Variants in CNTNAP4 observed in about 807,000 individuals in gnomAD.
The protein encoded by CNTNAP4 is contactin associated protein family member 4.
CNTNAP4 carries 98 observed loss-of-function variants against 148.4 expected under a neutral mutation model. The observed-to-expected ratio is 0.66, with a 90% confidence interval of 0.56 to 0.78. The LOEUF (loss-of-function observed/expected upper bound fraction) is 0.78, where lower values mean the gene tolerates loss of function less well. CNTNAP4 is among the 30% of genes least tolerant of loss of function. CNTNAP4 has a pLI of 0.00. For missense variants in CNTNAP4, 1,935 were observed against 1,565.6 expected (o/e 1.24, Z -3.98); for synonymous variants, 730 against 565.1 (o/e 1.29, Z -4.14).
chr16:76,349,580 T>C (rs1965203644), intron 2 of CNTNAP4, among the ~76,000 whole-genome samples: 1 of 152,166 alleles, frequency 6.6e-6, no homozygotes, highest in African/African-American at 2.4e-5. Context: ...ATTATAATTT[T>C]ATGTCAAGAT....
chr16:76,535,352 C>G (rs1488442055), intron 17 of CNTNAP4, among the ~76,000 whole-genome samples, 193 bp from the exon 18 acceptor site: 6 of 151,944 alleles, frequency 3.9e-5, no homozygotes, highest in African/African-American at 1.5e-4. Context: ...GTAACATATT[C>G]AACTTTTAAA....
chr16:76,483,633 G>A (rs2081921469), intron 12 of CNTNAP4, among the ~76,000 whole-genome samples: 1 of 152,130 alleles, frequency 6.6e-6, no homozygotes, highest in African/African-American at 2.4e-5. Flanking sequence ...GGAGTAGGGG[G>A]CGTTTTAAAC....
At chr16:76,364,672 C>G (rs561369507) in intron 3 of CNTNAP4, among the ~76,000 whole-genome samples, 1 of 152,276 alleles carries the variant, frequency 6.6e-6, no homozygotes, top group South Asian at 2.1e-4. Flanking sequence ...AGTTCTGTTC[C>G]TTTGAAGTGT....
intron 13 of CNTNAP4, among the ~76,000 whole-genome samples, chr16:76,490,383 T>A (rs1032707119): frequency 4.6e-5 from 7 of 152,174 alleles, no homozygotes; most frequent in African/African-American, 1.7e-4. Context: ...CAAGGAGGAA[T>A]CAGAAAACCA....
intron 3 of CNTNAP4, among the ~76,000 whole-genome samples, chr16:76,377,150 C>CT (rs1011549952): frequency 1.2e-4 from 19 of 152,020 alleles, no homozygotes; most frequent in Non-Finnish European, 1.9e-4. Flanking sequence ...GGAAGTCAGT[C>CT]TTTTTTTTCA....
chr16:76,277,699 C>G lies in CNTNAP4; in HGVS notation c.37C>G (p.Leu13Val). 1 of 1,605,828 alleles carries G rather than the reference C, an allele frequency of 6.2e-7. No individual in the cohort carries two copies. Among genetic ancestry groups the G allele is most frequent in the South Asian group, 1.1e-5 (1 of 89,122 alleles). ...SVTGAVLKTL[L>V]LLSTQNWNRV... ...CACGGGAGCTGTCCTCAAGACGCTA[C>G]TTCTGTTATCTACTCAAAATTGGAA... Residue 13 changes from leucine to valine, a missense_variant, in exon 1 of 24, where the codon CTT becomes GTT. Physicochemically the swap from Leu to Val is conservative, Grantham distance 32. Coordinates refer to ENST00000611870, the MANE Select transcript of CNTNAP4 (RefSeq NM_033401.5).
chr16:76,475,334 C>T (rs1182613167), intron 10 of CNTNAP4, among the ~76,000 whole-genome samples: 1 of 152,164 alleles, frequency 6.6e-6, no homozygotes. Flanking sequence ...AACTAAACTA[C>T]CTCAAGCTAG....
intron 12 of CNTNAP4, among the ~76,000 whole-genome samples, chr16:76,488,645 G>A (rs148499296): frequency 3.3e-4 from 50 of 152,262 alleles, no homozygotes; most frequent in African/African-American, 1.1e-3. Flanking sequence ...TTACAGAAGA[G>A]TTATGTGACT....
intron 2 of CNTNAP4, among the ~76,000 whole-genome samples, chr16:76,340,351 T>C (rs1964366789): frequency 6.6e-6 from 1 of 152,210 alleles, no homozygotes; most frequent in Non-Finnish European, 1.5e-5. Context: ...GTCCCTGTAT[T>C]CTAAATTAAA....
At chr16:76,522,584 T>TTCTC (rs140375003) in intron 17 of CNTNAP4, among the ~76,000 whole-genome samples, 1 of 145,226 alleles carries the variant, frequency 6.9e-6, no homozygotes, top group African/African-American at 2.6e-5. Context: ...CCTCCTTTCT[T>TTCTC]TCTCTCTCTC....
intron 1 of CNTNAP4, among the ~76,000 whole-genome samples, chr16:76,281,889 G>A (rs574083028): frequency 7.9e-5 from 12 of 151,844 alleles, no homozygotes; most frequent in African/African-American, 2.9e-4. Context: ...TAGTAAACCT[G>A]CATGACAAAA....
At chr16:76,285,595 C>T (rs1958847391) in intron 1 of CNTNAP4, among the ~76,000 whole-genome samples, 1 of 151,924 alleles carries the variant, frequency 6.6e-6, no homozygotes, top group African/African-American at 2.4e-5. Flanking sequence ...TTCCCACTGG[C>T]AATTATGATA....
In CNTNAP4 at chr16:76,509,781, A is replaced by G. The variant is rs1485468867; in HGVS notation, c.2365+11087A>G. On this transcript the variant is annotated intron_variant, in intron 15 of 23. Transcript: ENST00000611870. Reference sequence around the variant, plus strand: ...GGCTAACCACTAGTTCTATTCTCCAATGCTTTTTATTTTGATTAATTTCTT... The same window carrying G: ...GGCTAACCACTAGTTCTATTCTCCAGTGCTTTTTATTTTGATTAATTTCTT... 2.1e-5 allele frequency among the ~76,000 whole-genome samples: 2 copies of G among 95,528 alleles called. 1 individual carries two copies. Among genetic ancestry groups the G allele is most frequent in the Non-Finnish European group, 5.9e-5 (2 of 33,744 alleles). 62.7% of individuals were successfully genotyped at this position (95,528 alleles called of 152,430 possible).
chr16:76,424,945 C>G (rs1230243109), intron 3 of CNTNAP4, among the ~76,000 whole-genome samples: 1 of 152,070 alleles, frequency 6.6e-6, no homozygotes, highest in African/African-American at 2.4e-5. Flanking sequence ...TTAGGTGAAT[C>G]ATCGGGATTG....
intron 1 of CNTNAP4, among the ~76,000 whole-genome samples, chr16:76,293,607 A>C (rs1427837954): frequency 1.3e-5 from 2 of 152,064 alleles, no homozygotes; most frequent in Non-Finnish European, 2.9e-5. Flanking sequence ...TGTATAATCA[A>C]TTTTTAGGTG....
intron 1 of CNTNAP4, among the ~76,000 whole-genome samples, chr16:76,289,677 A>G (rs572902143): frequency 7.9e-5 from 12 of 152,038 alleles, no homozygotes; most frequent in Non-Finnish European, 1.6e-4. Flanking sequence ...GGTTCAAGCA[A>G]TTCTCCTTGC....
chr16:76,371,030 G>C (rs1289016486), intron 3 of CNTNAP4, among the ~76,000 whole-genome samples: 1 of 152,092 alleles, frequency 6.6e-6, no homozygotes, highest in Admixed American at 6.6e-5. Flanking sequence ...TGAACCATTG[G>C]TTTAGGGTCA....
At chr16:76,461,268 C>G (rs1019640055) in intron 8 of CNTNAP4, among the ~76,000 whole-genome samples, 2 of 152,046 alleles carry the variant, frequency 1.3e-5, no homozygotes, top group African/African-American at 4.8e-5. Context: ...AGAGCATTGC[C>G]CTGTTTGACC....
intron 3 of CNTNAP4, 29 bp downstream of exon 3, chr16:76,355,540 C>A: frequency 6.5e-7 from 1 of 1,538,664 alleles, no homozygotes; most frequent in Non-Finnish European, 8.8e-7. Context: ...GACATAGTCT[C>A]TCGGGGAAAA....
Sources: allele counts gnomAD v4.1 joint callset (sites outside exome capture counted in the v4.1 genomes callset), GRCh38; gene constraint gnomAD v4.1.1; transcripts MANE v1.5; gene names NCBI Gene and HGNC (gene_info 2026-07-23, HGNC 2026-07-21).